The following PRKG2 variants were observed in gnomAD, a reference collection of about 807,000 sequenced individuals.
PRKG2 encodes cGMP-dependent protein kinase 2.
A neutral mutation model predicts 97.2 loss-of-function variants in PRKG2; 33 were observed. The observed-to-expected ratio is 0.34, with a 90% CI of 0.26 to 0.45. PRKG2 has a LOEUF of 0.45. Ranked by LOEUF, PRKG2 falls within the 20% of genes least tolerant of loss-of-function variation. The probability of loss-of-function intolerance (pLI) is 1.00; values close to 1 mark genes in which losing one functional copy is unlikely to be tolerated. For missense variants in PRKG2, 638 were observed against 900.0 expected, an observed-to-expected ratio of 0.71 and a Z score of 3.73; for synonymous variants, 330 against 321.8, an observed-to-expected ratio of 1.03 and a Z score of -0.27.
At position 81,182,290 on chromosome 4, in the gene PRKG2, A is replaced by C. The variant is rs192080065; in HGVS notation, c.462-7331T>G. Among the ~76,000 whole-genome samples, 578 of 152,134 alleles carry C rather than the reference A, an allele frequency of 3.8e-3. 5 individuals carry two copies. Among genetic ancestry groups the C allele is most frequent in the African/African-American group, 0.013 (545 of 41,564 alleles). ...AACATGAAAAGAATAAAGGAGAAAAATGTAGCAAATATAATGGGATGCAGA... is the reference window on the plus strand; with the variant it reads ...AACATGAAAAGAATAAAGGAGAAAACTGTAGCAAATATAATGGGATGCAGA... On this transcript the variant is annotated intron_variant, in intron 2 of 18. Coordinates refer to ENST00000264399, the MANE Select transcript of PRKG2 (RefSeq NM_006259.3).
Position 81,187,347 on chromosome 4 carries a change from T to C in PRKG2, c.462-12388A>G, listed in dbSNP as rs1307527321. Reference sequence around the variant, plus strand: ...TATGCAAATCAAAAAATGTAATCCATCACATAAACAGAACCAATGACAAAA... The same window carrying C: ...TATGCAAATCAAAAAATGTAATCCACCACATAAACAGAACCAATGACAAAA... On this transcript the variant is annotated intron_variant, in intron 2 of 18. Transcript: ENST00000264399. Among the ~76,000 whole-genome samples the C allele has an allele frequency of 5.3e-5, 8 of 152,150 alleles. No individual in the cohort carries two copies. The East Asian group carries it at 1.4e-3, about 26-fold the overall frequency.
Position 81,151,999 on chromosome 4 carries a change from A to T in PRKG2, c.1046T>A (p.Leu349Gln). The T allele has an allele frequency of 6.2e-7, 1 of 1,613,310 alleles. No individual in the cohort carries two copies. Among genetic ancestry groups the T allele is most frequent in the Non-Finnish European group, 8.5e-7 (1 of 1,179,560 alleles). Residue 349 changes from leucine to glutamine, a missense_variant, in exon 8 of 19, where the codon CTG (leucine) becomes CAG (glutamine). Around this residue, in one of 3 missense-constraint regions of PRKG2, gnomAD observed 332 missense variants for 421.7 expected, o/e 0.79. Coordinates refer to ENST00000264399, the MANE Select transcript of PRKG2 (RefSeq NM_006259.3). Reference sequence around the variant, plus strand: ...TTCTCCAAAGTATTCTCCTTTCTGCAGTGTTTTTATCAGCTGTGGTTGATC... The same window carrying T: ...TTCTCCAAAGTATTCTCCTTTCTGCTGTGTTTTTATCAGCTGTGGTTGATC... ...GHDQPQLIKTLQKGEYFGEKA... is the reference protein window; with the variant it reads ...GHDQPQLIKTQQKGEYFGEKA...
intron 1 of PRKG2, among the ~76,000 whole-genome samples, chr4:81,206,508 A>G (rs1381427610): frequency 6.6e-6 from 1 of 152,142 alleles, no homozygotes; most frequent in Non-Finnish European, 1.5e-5. Flanking sequence ...TGAGTCCATT[A>G]AACCCCTTTC....
chr4:81,183,853 CT>C (rs1751643072), intron 2 of PRKG2, among the ~76,000 whole-genome samples: 1 of 152,160 alleles, frequency 6.6e-6, no homozygotes, highest in Non-Finnish European at 1.5e-5. Flanking sequence ...CGGTTTTCCC[CT>C]CATAGTGAAA....
upstream of PRKG2, among the ~76,000 whole-genome samples, chr4:81,217,652 G>A (rs1754321845): frequency 6.6e-6 from 1 of 152,174 alleles, no homozygotes; most frequent in Non-Finnish European, 1.5e-5. Flanking sequence ...AATCCAGTGA[G>A]AGAAACAGAC....
chr4:81,136,675 TTCTC>T (rs147827055), intron 13 of PRKG2, among the ~76,000 whole-genome samples: 4 of 152,048 alleles, frequency 2.6e-5, no homozygotes, highest in Admixed American at 2.6e-4. Flanking sequence ...TATCATCACA[TTCTC>T]TCTCTCTCCC....
chr4:81,194,597 TTC>T (rs144412702), intron 2 of PRKG2, among the ~76,000 whole-genome samples: 4 of 151,916 alleles, frequency 2.6e-5, no homozygotes, highest in South Asian at 2.1e-4. Context: ...AACAAAACAT[TTC>T]TCTCTCTCTC....
At position 81,189,066 on chromosome 4, in the gene PRKG2, T is replaced by TAAAAAAAA; in HGVS notation, c.462-14115_462-14108dup. On this transcript the variant is annotated intron_variant, in intron 2 of 18. Coordinates refer to ENST00000264399, the MANE Select transcript of PRKG2 (RefSeq NM_006259.3). ...AAAAAAAAAAGATTAAAAAAAATAATAAAAAAAAAAAAAAAAAAAAAAAAA... is the reference window on the plus strand; with the variant it reads ...AAAAAAAAAAGATTAAAAAAAATAATAAAAAAAAAAAAAAAAAAAAAAAAAAAAAAAAA... Among the ~76,000 whole-genome samples, 139 of 17,044 alleles carry TAAAAAAAA rather than the reference T, an allele frequency of 8.2e-3. 6 individuals are homozygous for TAAAAAAAA. Among genetic ancestry groups the TAAAAAAAA allele is most frequent in the Non-Finnish European group, 9.2e-3 (120 of 12,984 alleles). 11.2% of individuals were successfully genotyped at this position (17,044 alleles called of 152,430 possible). A position where few individuals can be genotyped will look rare whatever the true frequency, so the allele number is the denominator to read the frequency against.
rs551086987 is a variant in PRKG2 at position 81,137,731 on chromosome 4, C to T, written c.1545-249G>A. On this transcript the variant is annotated intron_variant, in intron 12 of 18. Transcript: ENST00000264399. The stretch of plus-strand genomic sequence containing the variant: ...CTGAACTTCTTAATCTCAGTTTTAC[C>T]GTAAAAATGTTATCCATTCTTCAGG... Among the ~76,000 whole-genome samples the T allele has an allele frequency of 7.2e-5, 11 of 152,226 alleles. No individual in the cohort carries two copies. The East Asian group carries it at 1.2e-3, about 16-fold the overall frequency.
chr4:81,202,876 A>G (rs1277558048), intron 2 of PRKG2, among the ~76,000 whole-genome samples: 1 of 152,130 alleles, frequency 6.6e-6, no homozygotes, highest in Non-Finnish European at 1.5e-5. Context: ...GTAATTGAAC[A>G]TAATCTTGGT....
At chr4:81,199,818 C>T (rs1753191606) in intron 2 of PRKG2, among the ~76,000 whole-genome samples, 1 of 152,178 alleles carries the variant, frequency 6.6e-6, no homozygotes, top group Non-Finnish European at 1.5e-5. Flanking sequence ...CTTATTTAAA[C>T]GTATGACTCA....
At chr4:81,099,698 G>T (rs1029580133) in intron 17 of PRKG2, among the ~76,000 whole-genome samples, 2 of 152,076 alleles carry the variant, frequency 1.3e-5, no homozygotes, top group Non-Finnish European at 2.9e-5. Flanking sequence ...ACATAGTGTT[G>T]GAAGTTCTGG....
intron 2 of PRKG2, among the ~76,000 whole-genome samples, chr4:81,178,069 G>A (rs972855174): frequency 2.1e-5 from 3 of 140,348 alleles, no homozygotes; most frequent in African/African-American, 7.8e-5. Flanking sequence ...CTGAAATCCT[G>A]GGTGTCTACC....
intron 14 of PRKG2, among the ~76,000 whole-genome samples, chr4:81,113,184 T>C (rs2109986584): frequency 6.6e-6 from 1 of 152,288 alleles, no homozygotes; most frequent in South Asian, 2.1e-4. Flanking sequence ...ATTGTGGGTT[T>C]GTAAACCACA....
chr4:81,092,235 T>C (rs1741609793), intron 18 of PRKG2, 151 bp downstream of exon 18: 1 of 509,148 alleles, frequency 2.0e-6, no homozygotes, highest in Admixed American at 3.8e-5. Flanking sequence ...ATCACAATTA[T>C]AAGACAAACT....
At chr4:81,198,768 T>C (rs1176076750) in intron 2 of PRKG2, among the ~76,000 whole-genome samples, 1 of 152,242 alleles carries the variant, frequency 6.6e-6, no homozygotes, top group Non-Finnish European at 1.5e-5. Flanking sequence ...GAGTTAATTA[T>C]GGAGAATGAC....
chr4:81,139,119 G>T (rs1479693537), intron 12 of PRKG2, among the ~76,000 whole-genome samples: 1 of 152,164 alleles, frequency 6.6e-6, no homozygotes, highest in Non-Finnish European at 1.5e-5. Flanking sequence ...AGGATAGAAA[G>T]CTGTGGTCTA....
chr4:81,153,314 G>A (rs1660479171), intron 7 of PRKG2: 1 of 191,914 alleles, frequency 5.2e-6, no homozygotes, highest in Non-Finnish European at 1.1e-5. Flanking sequence ...TACTGATCTT[G>A]GAATCTGGGG....
At chr4:81,163,226 G>A (rs778536779) in intron 6 of PRKG2, among the ~76,000 whole-genome samples, 4 of 152,174 alleles carry the variant, frequency 2.6e-5, no homozygotes, top group Non-Finnish European at 4.4e-5. Context: ...ATAGTGGTAA[G>A]TACTGACTGT....
Sources: gnomAD v4.1 joint callset for allele counts (sites outside exome capture counted in the v4.1 genomes callset) on GRCh38, gnomAD v4.1.1 for gene constraint, gnomAD v4.1.1 regional missense constraint, MANE v1.5 for transcripts, NCBI Gene and HGNC (gene_info 2026-07-23, HGNC 2026-07-21) for gene names.